Variants in MSRA observed in about 807,000 individuals in gnomAD.
The protein encoded by MSRA is mitochondrial peptide methionine sulfoxide reductase.
MSRA carries 54 observed loss-of-function variants against 31.3 expected under a neutral mutation model. The ratio of observed to expected loss-of-function variants is 1.73; its 90% confidence interval spans 1.39 to 2.17. MSRA has a LOEUF of 2.17. Ranked by LOEUF, MSRA falls within the 30% of genes most tolerant of loss-of-function variation. The probability of loss-of-function intolerance (pLI) is 0.00; values close to 1 mark genes in which losing one functional copy is unlikely to be tolerated. For synonymous variants in MSRA, 169 were observed against 116.5 expected, an observed-to-expected ratio of 1.45 and a Z score of -2.90; for missense variants, 507 against 300.9, an observed-to-expected ratio of 1.69 and a Z score of -5.07.
chr8:10,252,760 C>T (rs532700613), intron 3 of MSRA, among the ~76,000 whole-genome samples: 2 of 152,176 alleles, frequency 1.3e-5, no homozygotes, highest in Non-Finnish European at 2.9e-5. Context: ...CGCACCTGCT[C>T]CAGTTTACAG....
At chr8:10,417,785 TACAC>T (rs1585735163) in intron 5 of MSRA, among the ~76,000 whole-genome samples, 9 of 151,224 alleles carry the variant, frequency 6.0e-5, no homozygotes, top group East Asian at 2.0e-4. Flanking sequence ...TGTGTCTGTG[TACAC>T]GCACGTGTGC....
intron 3 of MSRA, among the ~76,000 whole-genome samples, chr8:10,259,229 C>T (rs1162145280): frequency 1.3e-5 from 2 of 152,086 alleles, no homozygotes; most frequent in East Asian, 3.9e-4. Flanking sequence ...TCTGGCAAAA[C>T]TGAGGGAATT....
intron 5 of MSRA, among the ~76,000 whole-genome samples, chr8:10,394,776 G>T (rs1172936730): frequency 6.6e-6 from 1 of 152,236 alleles, no homozygotes; most frequent in Non-Finnish European, 1.5e-5. Flanking sequence ...GACACTAGGA[G>T]GCACAAATGG....
At chr8:10,225,796 C>G (rs371514946) in intron 2 of MSRA, among the ~76,000 whole-genome samples, 1 of 152,134 alleles carries the variant, frequency 6.6e-6, no homozygotes, top group African/African-American at 2.4e-5. Context: ...GGTGCAGGTG[C>G]TAGGTGAAGG....
intron 4 of MSRA, among the ~76,000 whole-genome samples, chr8:10,312,546 C>T (rs1254298523): frequency 6.6e-6 from 1 of 152,154 alleles, no homozygotes; most frequent in Non-Finnish European, 1.5e-5. Context: ...GAGATGCAGT[C>T]CATCTTATGA....
At chr8:10,195,050 A>T (rs1807852949) in intron 1 of MSRA, among the ~76,000 whole-genome samples, 1 of 152,238 alleles carries the variant, frequency 6.6e-6, no homozygotes, top group African/African-American at 2.4e-5. Context: ...ATAGTTTCAT[A>T]TCTGTAACTA....
chr8:10,143,096 C>A (rs990458817), intron 1 of MSRA, among the ~76,000 whole-genome samples: 1 of 152,046 alleles, frequency 6.6e-6, no homozygotes. Context: ...AAGAATTAAG[C>A]GTAATTTTTA....
At chr8:10,183,371 A>G (rs1806717199) in intron 1 of MSRA, among the ~76,000 whole-genome samples, 1 of 152,178 alleles carries the variant, frequency 6.6e-6, no homozygotes, top group African/African-American at 2.4e-5. Flanking sequence ...GCTAAGTGTG[A>G]TAATGGGTCA....
At chr8:10,274,249 G>A (rs1421531078) in intron 3 of MSRA, among the ~76,000 whole-genome samples, 1 of 152,198 alleles carries the variant, frequency 6.6e-6, no homozygotes, top group Non-Finnish European at 1.5e-5. Flanking sequence ...AAAGGCTTGG[G>A]TATGTACGGT....
At chr8:10,162,093 G>C (rs1456822955) in intron 1 of MSRA, among the ~76,000 whole-genome samples, 1 of 152,190 alleles carries the variant, frequency 6.6e-6, no homozygotes, top group South Asian at 2.1e-4. Flanking sequence ...TAGGAATTCC[G>C]ATGGGAGGTG....
At chr8:10,354,435 A>G (rs1038343945) in intron 5 of MSRA, among the ~76,000 whole-genome samples, 6 of 152,178 alleles carry the variant, frequency 3.9e-5, no homozygotes, top group East Asian at 1.9e-4. Context: ...GAGGAACAGA[A>G]CTTTGTTTTA....
intron 1 of MSRA, among the ~76,000 whole-genome samples, chr8:10,073,874 C>G (rs1165547786): frequency 6.6e-6 from 1 of 151,950 alleles, no homozygotes; most frequent in Non-Finnish European, 1.5e-5. Context: ...TTCTTGACCT[C>G]AACCTTCTTT....
At chr8:10,071,889 A>G (rs1185742109) in intron 1 of MSRA, among the ~76,000 whole-genome samples, 2 of 152,184 alleles carry the variant, frequency 1.3e-5, no homozygotes, top group Non-Finnish European at 2.9e-5. Flanking sequence ...CAACACAGTC[A>G]GGTAGTCGAG....
At chr8:10,163,455 C>G (rs1168236415) in intron 1 of MSRA, among the ~76,000 whole-genome samples, 1 of 152,176 alleles carries the variant, frequency 6.6e-6, no homozygotes, top group Non-Finnish European at 1.5e-5. Context: ...GCTGCTTGGC[C>G]CGTTTCATCT....
At chr8:10,423,640 G>A (rs551100624) in intron 5 of MSRA, among the ~76,000 whole-genome samples, 4 of 152,296 alleles carry the variant, frequency 2.6e-5, no homozygotes, top group South Asian at 2.1e-4. Context: ...TTCAGGAGCC[G>A]TGGATGACAG....
At chr8:10,360,942 A>C (rs1198310781) in intron 5 of MSRA, among the ~76,000 whole-genome samples, 2 of 152,206 alleles carry the variant, frequency 1.3e-5, no homozygotes, top group African/African-American at 4.8e-5. Context: ...CAGTACCTTT[A>C]TCTCTTAAAG....
At chr8:10,121,152 G>A (rs1215347963) in intron 1 of MSRA, among the ~76,000 whole-genome samples, 2 of 152,140 alleles carry the variant, frequency 1.3e-5, no homozygotes, top group Admixed American at 1.3e-4. Context: ...CAATAAGTTT[G>A]TCGATGGTAG....
At chr8:10,326,761 T>A (rs1489575520) in intron 5 of MSRA, among the ~76,000 whole-genome samples, 1 of 152,174 alleles carries the variant, frequency 6.6e-6, no homozygotes, top group Non-Finnish European at 1.5e-5. Context: ...CAAGACATCA[T>A]CTAATGTATT....
At chr8:10,085,520 C>T (rs908340554) in intron 1 of MSRA, among the ~76,000 whole-genome samples, 1 of 152,154 alleles carries the variant, frequency 6.6e-6, no homozygotes, top group Non-Finnish European at 1.5e-5. Context: ...TCTTAGTCAT[C>T]TCAATAGCCC....
Sources: gnomAD v4.1 joint callset for allele counts (sites outside exome capture counted in the v4.1 genomes callset) on GRCh38, gnomAD v4.1.1 for gene constraint, MANE v1.5 for transcripts, NCBI Gene and HGNC (gene_info 2026-07-23, HGNC 2026-07-21) for gene names.